Variants in VPS33B observed in about 807,000 individuals in gnomAD.
VPS33B encodes the protein VPS33B late endosome and lysosome associated.
A neutral mutation model predicts 95.3 loss-of-function variants in VPS33B; 80 were observed. That is an observed-to-expected ratio of 0.84 (90% CI 0.70 to 1.01). The LOEUF (loss-of-function observed/expected upper bound fraction) is 1.01, where lower values mean the gene tolerates loss of function less well. Among genes scored for constraint, VPS33B ranks in the 50% least tolerant of loss-of-function variants. VPS33B has a pLI of 0.00. For missense variants in VPS33B, 715 were observed against 773.4 expected, an observed-to-expected ratio of 0.92 and a Z score of 0.90; for synonymous variants, 280 against 280.4, an observed-to-expected ratio of 1.00 and a Z score of 0.01.
Position 91,007,978 on chromosome 15 carries a change from G to C in VPS33B, c.404-14C>G, listed in dbSNP as rs886051556. On this transcript the variant is annotated splice_polypyrimidine_tract_variant and intron_variant, in intron 6 of 22. Coordinates refer to ENST00000333371, the MANE Select transcript of VPS33B (RefSeq NM_018668.5). This position sits in a 1 kb window ranked among gnomAD's most constrained non-coding sequence, Gnocchi z 5.3. ...CACAGCTCACATCTGTGGGGACAGAGAGCATCAGCCTCCCTGCAGAAGGTA... is the reference window on the plus strand; with the variant it reads ...CACAGCTCACATCTGTGGGGACAGACAGCATCAGCCTCCCTGCAGAAGGTA... 4.3e-6 allele frequency: 7 copies of C among 1,613,706 alleles called. No individual in the cohort carries two copies. Among genetic ancestry groups the C allele is most frequent in the Middle Eastern group, 1.6e-4 (1 of 6,062 alleles).
intron 4 of VPS33B, 89 bp downstream of exon 4, chr15:91,014,295 A>T: frequency 7.5e-7 from 1 of 1,337,244 alleles, no homozygotes; most frequent in South Asian, 1.2e-5. Flanking sequence ...TCAAACAATT[A>T]TTTTCTTATT....
intron 4 of VPS33B, 38 bp downstream of exon 4, chr15:91,014,346 C>G: frequency 2.5e-6 from 4 of 1,613,266 alleles, no homozygotes; most frequent in Non-Finnish European, 3.4e-6. Flanking sequence ...TTTGCCCGCC[C>G]TTTCCCACAG....
rs2040791488 is a variant in VPS33B at position 91,011,922 on chromosome 15, G to A, written c.357+1882C>T. Among the ~76,000 whole-genome samples, 1 of 152,156 alleles carries A rather than the reference G, an allele frequency of 6.6e-6. No homozygotes were observed. Among genetic ancestry groups the A allele is most frequent in the African/African-American group, 2.4e-5 (1 of 41,430 alleles). On this transcript the variant is annotated intron_variant, in intron 5 of 22. Coordinates refer to ENST00000333371, the MANE Select transcript of VPS33B (RefSeq NM_018668.5). The surrounding 1 kb of genome is among the most constrained non-coding windows in gnomAD (Gnocchi z 5.5). ...GAGAATTGCTTGAACCTGGGAGGCG[G>A]AGGTTGCAGTGAGTCGAGATTGCGG...
In VPS33B at chr15:91,009,878, A is replaced by G; in HGVS notation, c.358-32T>C. ...GAGAAAAGGAAATTGATTAGTAACT[A>G]CCTTCTTCTCTGTTCTCTCCATTTC... is the stretch of plus-strand genomic sequence containing the variant. On this transcript the variant is annotated intron_variant, in intron 5 of 22. Coordinates refer to ENST00000333371, the MANE Select transcript of VPS33B (RefSeq NM_018668.5). The surrounding 1 kb of genome is among the most constrained non-coding windows in gnomAD (Gnocchi z 4.1). The G allele has an allele frequency of 1.2e-6, 2 of 1,613,154 alleles. No individual in the cohort carries two copies. Among genetic ancestry groups the G allele is most frequent in the Non-Finnish European group, 1.7e-6 (2 of 1,179,208 alleles).
chr15:91,017,236 G>A (rs898688317), intron 2 of VPS33B, among the ~76,000 whole-genome samples: 1 of 150,352 alleles, frequency 6.7e-6, no homozygotes, highest in African/African-American at 2.5e-5. Flanking sequence ...TATAAAAACA[G>A]TATGGGCCAG....
chr15:91,007,680 G>C lies in VPS33B; in HGVS notation c.499-107C>G. 7.6e-7 allele frequency: 1 copy of C among 1,316,582 alleles called. No homozygotes were observed. Among genetic ancestry groups the C allele is most frequent in the South Asian group, 1.2e-5 (1 of 84,418 alleles). 81.6% of individuals were successfully genotyped at this position (1,316,582 alleles called of 1,614,324 possible). A position where few individuals can be genotyped will look rare whatever the true frequency, so the allele number is the denominator to read the frequency against. ...AGCAGGGTGGCAGGGCCTGGGGGAT[G>C]CTTGAAAGGTTTTCATTGGCTCCAC... On this transcript the variant is annotated intron_variant, in intron 7 of 22. Transcript: ENST00000333371. This position sits in a 1 kb window ranked among gnomAD's most constrained non-coding sequence, Gnocchi z 5.3.
intron 1 of VPS33B, among the ~76,000 whole-genome samples, chr15:91,020,024 C>T (rs193151585): frequency 3.0e-3 from 449 of 152,078 alleles, no homozygotes; most frequent in African/African-American, 9.9e-3. Context: ...AGGCTGGTCT[C>T]GAACTCCCAA....
rs754592554 is a variant in VPS33B, at chr15:91,000,589, G to C, written c.1482C>G (p.Ile494Met). 3 of 1,612,150 alleles carry C rather than the reference G, an allele frequency of 1.9e-6. No homozygotes were observed. Among genetic ancestry groups the C allele is most frequent in the Non-Finnish European group, 1.7e-6 (2 of 1,178,786 alleles). ...FRAISKKLNL[I>M]PRVDGEYDLK... Reference sequence around the variant, plus strand: ...GATCATACTCGCCGTCCACACGTGGGATCTGTAAGACAAAGGGACTTCATT... The same window carrying C: ...GATCATACTCGCCGTCCACACGTGGCATCTGTAAGACAAAGGGACTTCATT... The change falls in exon 20 of 23, where the codon ATC becomes ATG. Residue 494 changes from isoleucine to methionine, a missense_variant and splice_region_variant. Physicochemically the swap from Ile to Met is conservative, Grantham distance 10. Transcript: ENST00000333371. This position sits in a 1 kb window ranked among gnomAD's most constrained non-coding sequence, Gnocchi z 4.9.
Position 91,013,954 on chromosome 15 carries a change from C to A in VPS33B, c.290-83G>T. 1 of 1,541,104 alleles carries A rather than the reference C, an allele frequency of 6.5e-7. No homozygotes were observed. Among genetic ancestry groups the A allele is most frequent in the South Asian group, 1.1e-5 (1 of 89,428 alleles). On this transcript the variant is annotated intron_variant, in intron 4 of 22. Coordinates refer to ENST00000333371, the MANE Select transcript of VPS33B (RefSeq NM_018668.5). The surrounding 1 kb of genome is among the most constrained non-coding windows in gnomAD (Gnocchi z 4.5). ...AGGGAAGCTGCCGGGCACAGTGGTT[C>A]ACGCCTGTAATCCCAGCACTTGGGA...
Position 91,002,427 on chromosome 15 carries a change from T to C in VPS33B, c.1273-245A>G, listed in dbSNP as rs1286796206. Among the ~76,000 whole-genome samples, 1 of 152,144 alleles carries C rather than the reference T, an allele frequency of 6.6e-6. No individual in the cohort carries two copies. Among genetic ancestry groups the C allele is most frequent in the African/African-American group, 2.4e-5 (1 of 41,522 alleles). On this transcript the variant is annotated intron_variant, in intron 17 of 22. Coordinates refer to ENST00000333371, the MANE Select transcript of VPS33B (RefSeq NM_018668.5). The surrounding 1 kb of genome is among the most constrained non-coding windows in gnomAD (Gnocchi z 4.7). Reference sequence around the variant, plus strand: ...AGGCAGATCACTTGAGGTCAGGAGTTTGAGACCAGCCTGGCCAACATGGTG... The same window carrying C: ...AGGCAGATCACTTGAGGTCAGGAGTCTGAGACCAGCCTGGCCAACATGGTG...
rs963559069 is a variant in VPS33B, at chr15:91,003,098, G to A, written c.1259C>T (p.Thr420Ile). The A allele has an allele frequency of 1.0e-4, 164 of 1,614,062 alleles. No homozygotes were observed. Among genetic ancestry groups the A allele is most frequent in the Non-Finnish European group, 1.4e-4 (162 of 1,180,036 alleles). ...TCCAGGCCTTACCTGCAGATACTGT[G>A]TTTTCAGAGATCGGTAATCCTTGGG... ...LIPKDYRSLK[T>I]QYLQSYGPEH... The change falls in exon 17 of 23, where the codon ACA becomes ATA. Residue 420 changes from threonine (T) to isoleucine (I), a missense_variant. By Grantham distance (89) the Thr-to-Ile change is moderately conservative. Coordinates refer to ENST00000333371, the MANE Select transcript of VPS33B (RefSeq NM_018668.5).
rs1276047738 is a variant in VPS33B, at chr15:91,013,108, A to G, written c.357+696T>C. On this transcript the variant is annotated intron_variant, in intron 5 of 22. Transcript: ENST00000333371. This position sits in a 1 kb window ranked among gnomAD's most constrained non-coding sequence, Gnocchi z 4.5. ...GAGAAAGTCACTGGAAAGCCGTAAC[A>G]TTGTGCACCATTACTATACTAGAGT... 6.6e-6 allele frequency among the ~76,000 whole-genome samples: 1 copy of G among 152,212 alleles called. No homozygotes were observed. The highest frequency in any genetic ancestry group is 1.5e-5 in the Non-Finnish European group (1 of 68,036).
In VPS33B at chr15:91,006,577, C is replaced by G. The variant is rs904247516; in HGVS notation, c.778+75G>C. The G allele has an allele frequency of 1.6e-5, 25 of 1,609,754 alleles. No homozygotes were observed. The African/African-American group carries it at 3.3e-4, about 22-fold the overall frequency. On this transcript the variant is annotated intron_variant, in intron 10 of 22. Coordinates refer to ENST00000333371, the MANE Select transcript of VPS33B (RefSeq NM_018668.5). This position sits in a 1 kb window ranked among gnomAD's most constrained non-coding sequence, Gnocchi z 5.4. ...TCAGGGTCTGGGTCTCTCCCACAAA[C>G]CCTGCCCCACGTGGGAGGTGCCAAG...
rs199877361 is a variant in VPS33B at position 91,017,894 on chromosome 15, G to A, written c.97-9C>T. On this transcript the variant is annotated splice_polypyrimidine_tract_variant and intron_variant, in intron 1 of 22. Transcript: ENST00000333371. Reference sequence around the variant, plus strand: ...TCCTTTTTTCCAGGAAGCTGAAGGAGACACAATATGTTGGGTCACTCACAG... The same window carrying A: ...TCCTTTTTTCCAGGAAGCTGAAGGAAACACAATATGTTGGGTCACTCACAG... 4.3e-6 allele frequency: 7 copies of A among 1,613,982 alleles called. No individual in the cohort carries two copies. The highest frequency in any genetic ancestry group is 5.9e-6 in the Non-Finnish European group (7 of 1,179,892).
At chr15:91,008,001 G>C (rs1596359265) in intron 6 of VPS33B, 37 bp from the exon 7 acceptor site, 1 of 1,599,278 alleles carries the variant, frequency 6.3e-7, no homozygotes, top group Middle Eastern at 1.7e-4. Flanking sequence ...CCTGCAGAAG[G>C]TACTTAGCTC....
Position 91,000,400 on chromosome 15 carries a change from T to TA in VPS33B, c.1581+89dup, listed in dbSNP as rs71154160. On this transcript the variant is annotated intron_variant, in intron 20 of 22. Transcript: ENST00000333371. This position sits in a 1 kb window ranked among gnomAD's most constrained non-coding sequence, Gnocchi z 4.9. Reference sequence around the variant, plus strand: ...TGACAGAGCAAGACTCCATCTCAAATAAAAAAAAAAAAACATTGAGACACG... The same window carrying TA: ...TGACAGAGCAAGACTCCATCTCAAATAAAAAAAAAAAAAACATTGAGACACG... The TA allele has an allele frequency of 0.2, 181,061 of 924,760 alleles. 838 individuals are homozygous for TA. Among genetic ancestry groups the TA allele is most frequent in the South Asian group, 0.26 (14,268 of 54,150 alleles). The allele number at this position is 924,760 out of a possible 1,614,324, so 57.3% of individuals were successfully genotyped here.
rs1375351729 is a variant in VPS33B, at chr15:91,009,946, G to A, written c.358-100C>T. ...GTCACTGATGAGGACAATAATTGCCGAACCCAGTGAAAGACAAGAGAACCC... is the reference window on the plus strand; with the variant it reads ...GTCACTGATGAGGACAATAATTGCCAAACCCAGTGAAAGACAAGAGAACCC... On this transcript the variant is annotated intron_variant, in intron 5 of 22. Transcript: ENST00000333371. The surrounding 1 kb of genome is among the most constrained non-coding windows in gnomAD (Gnocchi z 4.1). 1.4e-5 allele frequency: 19 copies of A among 1,374,268 alleles called. No individual in the cohort carries two copies. The highest frequency in any genetic ancestry group is 3.5e-5 in the Admixed American group (2 of 57,452). The allele number at this position is 1,374,268 out of a possible 1,614,324, so 85.1% of individuals were successfully genotyped here.
Position 91,011,531 on chromosome 15 carries a change from AAAG to A in VPS33B, c.358-1688_358-1686del, listed in dbSNP as rs1226623435. On this transcript the variant is annotated intron_variant, in intron 5 of 22. Transcript: ENST00000333371. This position sits in a 1 kb window ranked among gnomAD's most constrained non-coding sequence, Gnocchi z 5.5. ...TCTTCATAATTAACAAAGGAGTCTC[AAAG>A]AAGAGAGAGAGATGCCTCCTAATAT... Among the ~76,000 whole-genome samples the A allele has an allele frequency of 1.3e-5, 2 of 152,250 alleles. No individual in the cohort carries two copies. The highest frequency in any genetic ancestry group is 4.8e-5 in the African/African-American group (2 of 41,470).
At chr15:91,016,924 T>C in intron 3 of VPS33B, 39 bp downstream of exon 3, 1 of 1,608,092 alleles carries the variant, frequency 6.2e-7, no homozygotes, top group Non-Finnish European at 8.5e-7. Context: ...AGGGACCTCT[T>C]CCAGCTTGGA....
Sources: gnomAD v4.1 joint callset for allele counts (sites outside exome capture counted in the v4.1 genomes callset) on GRCh38, gnomAD v4.1.1 for gene constraint, Gnocchi (gnomAD v3.1) non-coding constraint, MANE v1.5 for transcripts, NCBI Gene and HGNC (gene_info 2026-07-23, HGNC 2026-07-21) for gene names.